The following CCDC178 variants were observed in gnomAD, a reference collection of about 807,000 sequenced individuals.
The protein encoded by CCDC178 is coiled-coil domain containing 178, also known as coiled-coil domain-containing protein 178.
CCDC178 carries 126 observed loss-of-function variants against 117.4 expected under a neutral mutation model. The ratio of observed to expected loss-of-function variants is 1.07; its 90% CI spans 0.93 to 1.24. The LOEUF (loss-of-function observed/expected upper bound fraction) is 1.24. Among genes scored for constraint, CCDC178 ranks in the 50% most tolerant of loss-of-function variants. The pLI, the probability that CCDC178 is intolerant of heterozygous loss-of-function variation, is 0.00. For missense variants in CCDC178, 1,030 were observed against 986.9 expected, an observed-to-expected ratio of 1.04 and a Z score of -0.59; for synonymous variants, 283 against 313.4, an observed-to-expected ratio of 0.90 and a Z score of 1.02.
At chr18:33,364,487 T>A (rs1357678335) in intron 6 of CCDC178, among the ~76,000 whole-genome samples, 1 of 151,980 alleles carries the variant, frequency 6.6e-6, no homozygotes, top group Non-Finnish European at 1.5e-5. Context: ...TTTAAAATGT[T>A]CTTAAAAATA....
chr18:33,219,435 C>T (rs1186142554), intron 18 of CCDC178, among the ~76,000 whole-genome samples: 2 of 152,036 alleles, frequency 1.3e-5, no homozygotes, highest in Non-Finnish European at 2.9e-5. Context: ...GGTATATACC[C>T]AAAGGATTAT....
chr18:33,024,282 T>C (rs974371027), intron 21 of CCDC178, among the ~76,000 whole-genome samples: 1 of 152,166 alleles, frequency 6.6e-6, no homozygotes, highest in Non-Finnish European at 1.5e-5. Flanking sequence ...TTTGTCACAG[T>C]TCTGGAGGCT....
intron 10 of CCDC178, among the ~76,000 whole-genome samples, chr18:33,332,022 A>C (rs982523791): frequency 2.0e-5 from 3 of 152,236 alleles, no homozygotes; most frequent in African/African-American, 7.2e-5. Context: ...TACATTGTGA[A>C]ATATCTATCT....
chr18:33,032,805 C>A (rs1389931872), intron 21 of CCDC178, among the ~76,000 whole-genome samples: 1 of 152,008 alleles, frequency 6.6e-6, no homozygotes, highest in Non-Finnish European at 1.5e-5. Context: ...TTGGCTACAT[C>A]TCTTCTCTGT....
intron 22 of CCDC178, among the ~76,000 whole-genome samples, chr18:32,967,659 C>G (rs959678470): frequency 6.6e-6 from 1 of 151,654 alleles, no homozygotes; most frequent in East Asian, 1.9e-4. Context: ...TTTAGCCTTA[C>G]TTTATACATT....
intron 22 of CCDC178, among the ~76,000 whole-genome samples, chr18:32,942,620 T>A (rs2054265740): frequency 6.6e-6 from 1 of 152,190 alleles, no homozygotes; most frequent in African/African-American, 2.4e-5. Flanking sequence ...TATATTTCAG[T>A]TGATTAAAAA....
intron 5 of CCDC178, among the ~76,000 whole-genome samples, chr18:33,379,125 A>AATATATATATATTTCCATATATATATAAT: frequency 1.5e-4 from 1 of 6,796 alleles, no homozygotes; most frequent in African/African-American, 1.7e-4. Context: ...ATATATATAT[A>AATATATATATATTTCCATATATATATAAT]ATATATATAT....
intron 21 of CCDC178, among the ~76,000 whole-genome samples, chr18:32,982,053 G>A (rs2055164370): frequency 6.6e-6 from 1 of 152,078 alleles, no homozygotes; most frequent in Admixed American, 6.6e-5. Flanking sequence ...TTGAAATAAT[G>A]ACTAGTATGT....
chr18:33,394,943 G>GTATGTATATATATA (rs1555697671), intron 4 of CCDC178, among the ~76,000 whole-genome samples: 40 of 61,500 alleles, frequency 6.5e-4, no homozygotes, highest in Non-Finnish European at 1.2e-3. Context: ...ATATGTATGT[G>GTATGTATATATATA]TATATATATA....
At chr18:33,059,384 C>T (rs1337963559) in intron 21 of CCDC178, among the ~76,000 whole-genome samples, 1 of 152,138 alleles carries the variant, frequency 6.6e-6, no homozygotes, top group African/African-American at 2.4e-5. Context: ...TCAAACTTAA[C>T]ACATCCACAC....
intron 20 of CCDC178, among the ~76,000 whole-genome samples, chr18:33,193,083 C>T (rs1219552103): frequency 1.3e-5 from 2 of 150,416 alleles, no homozygotes; most frequent in African/African-American, 2.4e-5. Flanking sequence ...CACGGTGAAA[C>T]CCCGTCTCTA....
At chr18:33,087,134 A>G (rs1226851889) in intron 21 of CCDC178, among the ~76,000 whole-genome samples, 4 of 152,074 alleles carry the variant, frequency 2.6e-5, no homozygotes, top group Non-Finnish European at 4.4e-5. Context: ...AGGTGTGGCT[A>G]ATATTAAAAA....
intron 21 of CCDC178, among the ~76,000 whole-genome samples, chr18:33,030,411 C>T (rs575161332): frequency 6.6e-6 from 1 of 152,064 alleles, no homozygotes; most frequent in South Asian, 2.1e-4. Context: ...TCACCCAATC[C>T]AACAATTTCT....
At chr18:33,346,879 C>A in intron 8 of CCDC178, among the ~76,000 whole-genome samples, 1 of 152,108 alleles carries the variant, frequency 6.6e-6, no homozygotes, top group East Asian at 1.9e-4. Flanking sequence ...CTTAGCTTTG[C>A]CAGGAATTCA....
intron 20 of CCDC178, among the ~76,000 whole-genome samples, chr18:33,110,968 A>G (rs2057772582): frequency 6.6e-6 from 1 of 151,570 alleles, no homozygotes; most frequent in Admixed American, 6.6e-5. Flanking sequence ...CACACATATA[A>G]ACCAACTTGG....
intron 22 of CCDC178, among the ~76,000 whole-genome samples, chr18:32,970,042 T>A (rs952662733): frequency 2.0e-5 from 3 of 152,094 alleles, no homozygotes; most frequent in Non-Finnish European, 4.4e-5. Flanking sequence ...TTACTAGGGC[T>A]GGGACAGGCC....
intron 3 of CCDC178, among the ~76,000 whole-genome samples, chr18:33,401,980 TAATC>T (rs1173753874): frequency 1.3e-5 from 2 of 152,110 alleles, no homozygotes; most frequent in Non-Finnish European, 2.9e-5. Flanking sequence ...TATTTAATAA[TAATC>T]AAATAAAATC....
At chr18:33,176,340 C>T (rs1054700730) in intron 20 of CCDC178, among the ~76,000 whole-genome samples, 1 of 152,124 alleles carries the variant, frequency 6.6e-6, no homozygotes, top group Non-Finnish European at 1.5e-5. Flanking sequence ...ATTTGTGCAA[C>T]CCCAAAATGT....
rs765792288 is a variant in CCDC178 at position 33,211,895 on chromosome 18, CTT to C, written c.2237_2238del (p.Lys747AsnfsTer4). 3 of 1,600,820 alleles carry C rather than the reference CTT, an allele frequency of 1.9e-6. No homozygotes were observed. The South Asian group carries it at 3.4e-5, about 18-fold the overall frequency. On this transcript the variant is annotated frameshift_variant and splice_region_variant, in exon 20 of 23. Transcript: ENST00000383096. LOFTEE classifies it high-confidence loss of function. ...TTGAAACATGCAAAAATAATACTCA[CTT>C]GGGTATCTTGAAGAGTTTTTTGTCT... ...AVRQKTLQDTQKIIADSLEEN... is the reference protein window; with the variant it reads ...AVRQKTLQDTXKIIADSLEEN...
Sources: gnomAD v4.1 joint callset for allele counts (sites outside exome capture counted in the v4.1 genomes callset) on GRCh38, gnomAD v4.1.1 for gene constraint, MANE v1.5 for transcripts, NCBI Gene and HGNC (gene_info 2026-07-23, HGNC 2026-07-21) for gene names.